MYT1L: variants seen among roughly 807,000 people sequenced by gnomAD.
MYT1L encodes myelin transcription factor 1-like protein.
MYT1L carries 12 observed loss-of-function variants against 126.7 expected under a neutral mutation model. That is an observed-to-expected ratio of 0.09 (90% CI 0.06 to 0.15). The LOEUF is 0.15. Ranked by LOEUF, MYT1L falls within the 10% of genes least tolerant of loss-of-function variation. The probability of loss-of-function intolerance (pLI) is 1.00; values close to 1 mark genes in which losing one functional copy is unlikely to be tolerated. For missense variants in MYT1L, 979 were observed against 1,585.2 expected, an observed-to-expected ratio of 0.62 and a Z score of 6.49; for synonymous variants, 541 against 604.2, an observed-to-expected ratio of 0.90 and a Z score of 1.53.
At chr2:1,867,220 G>A (rs1261285533) in intron 18 of MYT1L, among the ~76,000 whole-genome samples, 1 of 152,088 alleles carries the variant, frequency 6.6e-6, no homozygotes, top group Non-Finnish European at 1.5e-5. Context: ...GAGGGCGCCT[G>A]TCAGGGAGAC....
rs114188184 is a variant in MYT1L at position 2,045,975 on chromosome 2, C to T, written c.-158+8003G>A. 9.6e-3 allele frequency among the ~76,000 whole-genome samples: 1,464 copies of T among 152,262 alleles called. 27 individuals are homozygous for T. Among genetic ancestry groups the T allele is most frequent in the African/African-American group, 0.033 (1,369 of 41,540 alleles). ...TCCTTAGCTCCTCCAGGGCCGCTGTCGTCTTCTGTATCTTTGGGACCCTTT... is the reference window on the plus strand; with the variant it reads ...TCCTTAGCTCCTCCAGGGCCGCTGTTGTCTTCTGTATCTTTGGGACCCTTT... On this transcript the variant is annotated intron_variant, in intron 4 of 24. Transcript: ENST00000647738.
At chr2:1,812,461 G>A (rs573197993) in intron 21 of MYT1L, among the ~76,000 whole-genome samples, 2 of 152,294 alleles carry the variant, frequency 1.3e-5, no homozygotes, top group South Asian at 4.1e-4. Context: ...ATGTCTGAAT[G>A]CACTTTGTGA....
intron 2 of MYT1L, among the ~76,000 whole-genome samples, chr2:2,180,075 G>A (rs971310905): frequency 1.3e-5 from 2 of 152,124 alleles, no homozygotes; most frequent in African/African-American, 4.8e-5. Flanking sequence ...TAATGCCACT[G>A]TTGTTATCAA....
At chr2:2,322,160 G>GTT (rs113836212) in intron 1 of MYT1L, among the ~76,000 whole-genome samples, 9 of 145,464 alleles carry the variant, frequency 6.2e-5, no homozygotes, top group African/African-American at 2.3e-4. Flanking sequence ...ATATTTACCT[G>GTT]TTTTTTTTTT....
intron 1 of MYT1L, among the ~76,000 whole-genome samples, chr2:2,295,467 G>A (rs1337663505): frequency 6.6e-6 from 1 of 151,982 alleles, no homozygotes; most frequent in African/African-American, 2.4e-5. Context: ...TGCATTATGG[G>A]AGATGGAAAA....
chr2:2,065,784 CTT>C, intron 3 of MYT1L, among the ~76,000 whole-genome samples: 1 of 151,600 alleles, frequency 6.6e-6, no homozygotes, highest in South Asian at 2.1e-4. Context: ...AATTTTGGAA[CTT>C]AATAATTTCC....
chr2:2,295,537 T>TAGAGAGAGAGAGAGACAGACAGAC (rs2095658538), intron 1 of MYT1L, among the ~76,000 whole-genome samples: 2 of 32,528 alleles, frequency 6.1e-5, no homozygotes, highest in East Asian at 7.3e-4. Context: ...CAGAGAAAGA[T>TAGAGAGAGAGAGAGACAGACAGAC]AGAGAGAGAG....
intron 4 of MYT1L, among the ~76,000 whole-genome samples, chr2:2,003,166 A>C (rs933007959): frequency 1.3e-5 from 2 of 151,982 alleles, no homozygotes; most frequent in Admixed American, 1.3e-4. Context: ...TTTCCCACTT[A>C]GACTTGCTCG....
intron 18 of MYT1L, among the ~76,000 whole-genome samples, chr2:1,883,559 G>C (rs1198818986): frequency 6.6e-6 from 1 of 152,136 alleles, no homozygotes; most frequent in Admixed American, 6.6e-5. Context: ...ACTCTAATTT[G>C]CACAAATGTA....
intron 1 of MYT1L, among the ~76,000 whole-genome samples, chr2:2,322,921 A>T (rs1317048156): frequency 1.3e-5 from 2 of 152,220 alleles, no homozygotes; most frequent in African/African-American, 4.8e-5. Flanking sequence ...CTTGAGTTAA[A>T]TTTTTAAAAA....
chr2:1,819,534 G>A (rs774350646), intron 21 of MYT1L, among the ~76,000 whole-genome samples: 4 of 152,156 alleles, frequency 2.6e-5, no homozygotes, highest in African/African-American at 4.8e-5. Context: ...TCCAGCACCA[G>A]CCTCACCCTC....
chr2:1,963,428 TC>T (rs1310356807), intron 8 of MYT1L, among the ~76,000 whole-genome samples: 2 of 152,214 alleles, frequency 1.3e-5, no homozygotes, highest in Admixed American at 1.3e-4. Context: ...CAGTTTAAAG[TC>T]ACCAACTCCA....
In MYT1L at chr2:1,943,843, A is replaced by G. The variant is rs1350429978; in HGVS notation, c.153-509T>C. Among the ~76,000 whole-genome samples, 2 of 152,204 alleles carry G rather than the reference A, an allele frequency of 1.3e-5. No homozygotes were observed. The highest frequency in any genetic ancestry group is 3.8e-4 in the East Asian group (2 of 5,198). The stretch of plus-strand genomic sequence containing the variant: ...ATTTGTATATTTTATGGATTAAATT[A>G]TATCTTTAGACTTGATAACCTCCTG... On this transcript the variant is annotated intron_variant, in intron 8 of 24. Coordinates refer to ENST00000647738, the MANE Select transcript of MYT1L (RefSeq NM_001303052.2). This position sits in a 1 kb window ranked among gnomAD's most constrained non-coding sequence, Gnocchi z 4.4.
At position 1,979,381 on chromosome 2, in the gene MYT1L, A is replaced by G. The variant is rs1167917078; in HGVS notation, c.89+140T>C. On this transcript the variant is annotated intron_variant, in intron 7 of 24. Coordinates refer to ENST00000647738, the MANE Select transcript of MYT1L (RefSeq NM_001303052.2). This position sits in a 1 kb window ranked among gnomAD's most constrained non-coding sequence, Gnocchi z 4.0. ...AAATTCGGGGAGGCTTTTTACGAGCAAGTCTCGGGGGAATTAATTTCATCA... is the reference window on the plus strand; with the variant it reads ...AAATTCGGGGAGGCTTTTTACGAGCGAGTCTCGGGGGAATTAATTTCATCA... 4 of 1,114,152 alleles carry G rather than the reference A, an allele frequency of 3.6e-6. No homozygotes were observed. In the East Asian group the frequency reaches 7.2e-5, roughly 20 times the overall value. The allele number at this position is 1,114,152 out of a possible 1,614,324, so 69.0% of individuals were successfully genotyped here.
intron 2 of MYT1L, among the ~76,000 whole-genome samples, chr2:2,217,517 T>C (rs13424590): frequency 0.015 from 2,348 of 151,810 alleles, 69 homozygotes; most frequent in African/African-American, 0.055. Flanking sequence ...ACCCCATCTC[T>C]ACTAAAAATA....
At chr2:1,875,177 A>C (rs1163290041) in intron 18 of MYT1L, among the ~76,000 whole-genome samples, 1 of 152,210 alleles carries the variant, frequency 6.6e-6, no homozygotes, top group Non-Finnish European at 1.5e-5. Context: ...GGCGGAAGAT[A>C]CTGACTGAGC....
intron 8 of MYT1L, among the ~76,000 whole-genome samples, chr2:1,963,314 T>TGTAAACCATGCTGTAAACAAA (rs1440259761): frequency 6.6e-6 from 1 of 152,276 alleles, no homozygotes; most frequent in African/African-American, 2.4e-5. Context: ...ACAAATGTGC[T>TGTAAACCATGCTGTAAACAAA]GTCATCCAGG....
chr2:2,124,803 C>T (rs1181000046), intron 3 of MYT1L, among the ~76,000 whole-genome samples: 7 of 152,110 alleles, frequency 4.6e-5, no homozygotes, highest in Non-Finnish European at 8.8e-5. Flanking sequence ...TGAAGTATGG[C>T]CAGACACTTT....
intron 3 of MYT1L, among the ~76,000 whole-genome samples, chr2:2,159,257 A>G (rs1220071852): frequency 6.6e-6 from 1 of 152,168 alleles, no homozygotes; most frequent in Non-Finnish European, 1.5e-5. Flanking sequence ...TATTGAGTCC[A>G]CATGGGAATC....
Sources: gnomAD v4.1 joint callset for allele counts (sites outside exome capture counted in the v4.1 genomes callset) on GRCh38, gnomAD v4.1.1 for gene constraint, Gnocchi (gnomAD v3.1) non-coding constraint, MANE v1.5 for transcripts, NCBI Gene and HGNC (gene_info 2026-07-23, HGNC 2026-07-21) for gene names.